The following TUNAR variants were observed in gnomAD, a reference collection of about 807,000 sequenced individuals.
TUNAR encodes protein TUNAR.
intron 2 of TUNAR, among the ~76,000 whole-genome samples, chr14:95,892,543 T>G (rs1210207492): frequency 6.6e-6 from 1 of 152,174 alleles, no homozygotes; most frequent in Non-Finnish European, 1.5e-5. Context: ...GAGGAAGCTA[T>G]GTTTGGGGAA....
In TUNAR at chr14:95,892,825, C is replaced by T. The variant is rs186111001; in HGVS notation, c.12+15648C>T. On this transcript the variant is annotated intron_variant, in intron 2 of 2. Coordinates refer to ENST00000678517, the Ensembl canonical transcript of TUNAR. ...AAAACCATGCACGACTTGAAATGCC[C>T]GCAGCTCTCATTATCTGGGAGATGC... Among the ~76,000 whole-genome samples the T allele has an allele frequency of 2.0e-3, 305 of 152,230 alleles. 2 individuals are homozygous for T. The South Asian group carries it at 0.026, about 13-fold the overall frequency.
At chr14:95,884,008 C>G (rs1268709139) in intron 2 of TUNAR, among the ~76,000 whole-genome samples, 1 of 152,046 alleles carries the variant, frequency 6.6e-6, no homozygotes, top group African/African-American at 2.4e-5. Context: ...AATGCCCCTC[C>G]CTGCTCTAAA....
chr14:95,922,316 A>C (rs1889710522), intron 2 of TUNAR, among the ~76,000 whole-genome samples: 1 of 152,198 alleles, frequency 6.6e-6, no homozygotes, highest in Non-Finnish European at 1.5e-5. Context: ...CCCATACCGC[A>C]GTCAGAGCTT....
intron 2 of TUNAR, among the ~76,000 whole-genome samples, chr14:95,912,293 T>A (rs956111066): frequency 6.6e-6 from 1 of 152,238 alleles, no homozygotes; most frequent in Non-Finnish European, 1.5e-5. Context: ...CCCATAATCA[T>A]GTTGAATTTA....
In TUNAR at chr14:95,895,355, G is replaced by A. The variant is rs1889245653; in HGVS notation, c.12+18178G>A. 6.6e-6 allele frequency among the ~76,000 whole-genome samples: 1 copy of A among 152,156 alleles called. No homozygotes were observed. The highest frequency in any genetic ancestry group is 2.4e-5 in the African/African-American group (1 of 41,440). Reference sequence around the variant, plus strand: ...TAGAGTGAGGGAAGTGTGGGGCCCTGTTTTAGCTCCGTAGCCAAAGACCTG... The same window carrying A: ...TAGAGTGAGGGAAGTGTGGGGCCCTATTTTAGCTCCGTAGCCAAAGACCTG... On this transcript the variant is annotated intron_variant, in intron 2 of 2. Transcript: ENST00000678517. The surrounding 1 kb of genome is among the most constrained non-coding windows in gnomAD (Gnocchi z 4.5).
chr14:95,902,028 G>A (rs1343718599), intron 2 of TUNAR, among the ~76,000 whole-genome samples: 2 of 152,134 alleles, frequency 1.3e-5, no homozygotes, highest in African/African-American at 2.4e-5. Context: ...GATCAAGGAT[G>A]TTCACATCCT....
At chr14:95,923,883 C>A (rs1889740730) in exon 3 of TUNAR, 1 of 152,110 alleles carries the variant, frequency 6.6e-6, no homozygotes, top group Non-Finnish European at 1.5e-5. Context: ...CTTAGATGCA[C>A]CCTATCTTTA....
intron 2 of TUNAR, among the ~76,000 whole-genome samples, chr14:95,900,180 G>A (rs150343261): frequency 6.6e-6 from 1 of 152,334 alleles, no homozygotes; most frequent in African/African-American, 2.4e-5. Flanking sequence ...CAAGAGGTGA[G>A]AAGGGTGCAG....
chr14:95,897,237 G>A (rs141981187), intron 2 of TUNAR, among the ~76,000 whole-genome samples: 16 of 152,314 alleles, frequency 1.1e-4, no homozygotes, highest in East Asian at 3.9e-4. Flanking sequence ...TGCATTGATC[G>A]TCTTTGAGCC....
intron 2 of TUNAR, among the ~76,000 whole-genome samples, chr14:95,877,641 A>G (rs551147110): frequency 4.3e-4 from 66 of 152,202 alleles, no homozygotes; most frequent in Middle Eastern, 3.2e-3. Flanking sequence ...GGAGACCAGG[A>G]TTGGAAACCA....
At chr14:95,910,820 C>A (rs1421816027) in intron 2 of TUNAR, among the ~76,000 whole-genome samples, 2 of 152,214 alleles carry the variant, frequency 1.3e-5, no homozygotes, top group Non-Finnish European at 2.9e-5. Flanking sequence ...TGCCTGGGTT[C>A]AGACTTTGTC....
chr14:95,896,101 A>G (rs1889260353), intron 2 of TUNAR, among the ~76,000 whole-genome samples: 1 of 151,662 alleles, frequency 6.6e-6, no homozygotes, highest in African/African-American at 2.4e-5. Context: ...CGTTTCTGCC[A>G]GTGAGTAATA....
chr14:95,878,089 G>C (rs533986437), intron 2 of TUNAR, among the ~76,000 whole-genome samples: 2 of 152,208 alleles, frequency 1.3e-5, no homozygotes, highest in Non-Finnish European at 2.9e-5. Flanking sequence ...TAACCGGAGC[G>C]GGGGCTGATC....
intron 2 of TUNAR, among the ~76,000 whole-genome samples, chr14:95,908,247 A>G (rs543803806): frequency 6.6e-6 from 1 of 152,216 alleles, no homozygotes; most frequent in Non-Finnish European, 1.5e-5. Flanking sequence ...TTCCGAAGCT[A>G]TGAGGGCAGG....
chr14:95,908,776 G>T (rs1349277687), intron 2 of TUNAR, among the ~76,000 whole-genome samples: 2 of 152,172 alleles, frequency 1.3e-5, no homozygotes, highest in African/African-American at 4.8e-5. Flanking sequence ...ATCCATTACA[G>T]ATGAGGACCA....
At chr14:95,888,864 C>G (rs141296643) in intron 2 of TUNAR, among the ~76,000 whole-genome samples, 1 of 152,112 alleles carries the variant, frequency 6.6e-6, no homozygotes, top group African/African-American at 2.4e-5. Context: ...GATGCCAGTA[C>G]GTTTGAAGCC....
At chr14:95,914,543 G>T (rs2139670251) in intron 2 of TUNAR, among the ~76,000 whole-genome samples, 1 of 152,278 alleles carries the variant, frequency 6.6e-6, no homozygotes, top group Middle Eastern at 3.4e-3. Context: ...GTGATTTTAG[G>T]GTGGGCCTTC....
rs116020361 is a variant in TUNAR, at chr14:95,922,313, C to A, written c.13-468C>A. Among the ~76,000 whole-genome samples, 5 of 152,332 alleles carry A rather than the reference C, an allele frequency of 3.3e-5. No homozygotes were observed. The East Asian group carries it at 9.6e-4, about 29-fold the overall frequency. ...GGCTTCCAGCCACCCCTACCCATAC[C>A]GCAGTCAGAGCTTTAGCATGGTAGG... On this transcript the variant is annotated intron_variant, in intron 2 of 2. Transcript: ENST00000678517.
At chr14:95,886,631 G>A (rs898354452) in intron 2 of TUNAR, among the ~76,000 whole-genome samples, 1 of 152,196 alleles carries the variant, frequency 6.6e-6, no homozygotes, top group Non-Finnish European at 1.5e-5. Context: ...CCTGCCCCAG[G>A]ACATGGGCCT....
Sources: gnomAD v4.1 joint callset for allele counts (sites outside exome capture counted in the v4.1 genomes callset) on GRCh38, gnomAD v4.1.1 for gene constraint, Gnocchi (gnomAD v3.1) non-coding constraint, MANE v1.5 for transcripts, NCBI Gene and HGNC (gene_info 2026-07-23, HGNC 2026-07-21) for gene names.